Variants in PPP3CC observed in about 807,000 individuals in gnomAD.
The protein encoded by PPP3CC is serine/threonine-protein phosphatase 2B catalytic subunit gamma isoform.
Under a neutral mutation model 60.3 loss-of-function variants are expected in PPP3CC, and 35 were observed. That is an observed-to-expected ratio of 0.58 (90% CI 0.44 to 0.77). The LOEUF (loss-of-function observed/expected upper bound fraction) is 0.77, where lower values mean the gene tolerates loss of function less well. Ranked by LOEUF, PPP3CC falls within the 30% of genes least tolerant of loss-of-function variation. The pLI is 0.00. For missense variants in PPP3CC, 570 were observed against 628.9 expected, an observed-to-expected ratio of 0.91 and a Z score of 1.00; for synonymous variants, 206 against 224.3, an observed-to-expected ratio of 0.92 and a Z score of 0.73.
intron 3 of PPP3CC, among the ~76,000 whole-genome samples, chr8:22,494,001 A>C (rs905108705): frequency 1.3e-5 from 2 of 152,188 alleles, no homozygotes; most frequent in Admixed American, 6.6e-5. Flanking sequence ...TGATGGCTAC[A>C]TCACTAGGGT....
At position 22,506,945 on chromosome 8, in the gene PPP3CC, A is replaced by G. The variant is rs909064209; in HGVS notation, c.485-4141A>G. ...AAATAAATAAATTAATTAATTAATT[A>G]ATTAAATTAAATAAATAAAAAATAA... On this transcript the variant is annotated intron_variant, in intron 4 of 13. Coordinates refer to ENST00000240139, the MANE Select transcript of PPP3CC (RefSeq NM_005605.5). Among the ~76,000 whole-genome samples, 5 of 149,594 alleles carry G rather than the reference A, an allele frequency of 3.3e-5. No individual in the cohort carries two copies. In the East Asian group the frequency reaches 7.8e-4, roughly 23 times the overall value.
rs146104346 is a variant in PPP3CC at position 22,474,959 on chromosome 8, C to T, written c.55C>T (p.Pro19Ser). ...TTATTATTATTTTTTTGTAGCTGTC[C>T]CCTTTCCTCCAACCCAACGGCTTAC... The part of the protein sequence containing the change: ...STTDRVIKAV[P>S]FPPTQRLTFK... The change falls in exon 2 of 14, where the codon CCC (proline) becomes TCC (serine). Residue 19 changes from proline (P) to serine (S), a missense_variant. Coordinates refer to ENST00000240139, the MANE Select transcript of PPP3CC (RefSeq NM_005605.5). The T allele has an allele frequency of 1.3e-6, 2 of 1,552,298 alleles. No homozygotes were observed. Among genetic ancestry groups the T allele is most frequent in the Non-Finnish European group, 1.7e-6 (2 of 1,144,502 alleles).
chr8:22,468,327 A>T (rs975127728), intron 1 of PPP3CC, among the ~76,000 whole-genome samples: 3 of 151,672 alleles, frequency 2.0e-5, no homozygotes, highest in Non-Finnish European at 4.4e-5. Flanking sequence ...CTGATCTCAA[A>T]CTCCTGACCT....
rs371547057 is a variant in PPP3CC, at chr8:22,449,016, G to A, written c.49+7558G>A. ...TCCCAGCTGCTTGGGAGGCTGAAGC[G>A]GGAGGATTGCTTGAGGCCAGGAGTT... On this transcript the variant is annotated intron_variant, in intron 1 of 13. Transcript: ENST00000240139. Among the ~76,000 whole-genome samples, 94 of 152,314 alleles carry A rather than the reference G, an allele frequency of 6.2e-4. 1 individual carries two copies. The East Asian group carries it at 0.012, about 19-fold the overall frequency.
At position 22,468,509 on chromosome 8, in the gene PPP3CC, C is replaced by T. The variant is rs894361905; in HGVS notation, c.50-6445C>T. Among the ~76,000 whole-genome samples, 4 of 151,926 alleles carry T rather than the reference C, an allele frequency of 2.6e-5. 1 individual carries two copies. Among genetic ancestry groups the T allele is most frequent in the African/African-American group, 9.7e-5 (4 of 41,382 alleles). The stretch of plus-strand genomic sequence containing the variant: ...AATAGTTTATTTTTACATATTTATC[C>T]CTTTCATTTAGGAAAGAAGATTCAT... On this transcript the variant is annotated intron_variant, in intron 1 of 13. Transcript: ENST00000240139.
intron 10 of PPP3CC, 120 bp from the exon 11 acceptor site, chr8:22,532,105 C>T (rs1839731730): frequency 4.8e-6 from 3 of 631,404 alleles, no homozygotes; most frequent in Non-Finnish European, 2.6e-6. Context: ...CAAACTTAAG[C>T]CTTCATTTCT....
In PPP3CC at chr8:22,522,521, C is replaced by G. The variant is rs747028980; in HGVS notation, c.801C>G (p.Asn267Lys). 2.5e-6 allele frequency: 4 copies of G among 1,611,944 alleles called. No individual in the cohort carries two copies. Among genetic ancestry groups the G allele is most frequent in the Non-Finnish European group, 3.4e-6 (4 of 1,179,088 alleles). The change falls in exon 7 of 14, where the codon AAC becomes AAG. Residue 267 changes from asparagine to lysine, a missense_variant. Physicochemically the swap from Asn to Lys is moderately conservative, Grantham distance 94. Transcript: ENST00000240139. ...CTGCAGTTTGTGAATTTTTGCAGAA[C>G]AATAATTTACTATCAATTATCAGAG... ...SYPAVCEFLQNNNLLSIIRAH... is the reference protein window; with the variant it reads ...SYPAVCEFLQKNNLLSIIRAH...
intron 4 of PPP3CC, among the ~76,000 whole-genome samples, chr8:22,503,194 G>A (rs1378381245): frequency 2.6e-5 from 4 of 152,142 alleles, no homozygotes; most frequent in Non-Finnish European, 5.9e-5. Context: ...GGTTAAGAAC[G>A]ACGGCTCTGG....
intron 3 of PPP3CC, among the ~76,000 whole-genome samples, chr8:22,484,217 T>C (rs929435116): frequency 6.6e-6 from 1 of 152,138 alleles, no homozygotes; most frequent in Non-Finnish European, 1.5e-5. Context: ...AAAAAACATT[T>C]GGGTTAATTA....
At chr8:22,534,413 C>A (rs1434368811) in intron 12 of PPP3CC, among the ~76,000 whole-genome samples, 2 of 125,336 alleles carry the variant, frequency 1.6e-5, no homozygotes, top group Admixed American at 8.1e-5. Context: ...CAGGGCGAGA[C>A]CCTGTCTCCA....
At chr8:22,464,039 C>T (rs562267016) in intron 1 of PPP3CC, among the ~76,000 whole-genome samples, 14 of 152,158 alleles carry the variant, frequency 9.2e-5, no homozygotes, top group African/African-American at 1.4e-4. Context: ...CTGCCTACCT[C>T]GGCCTCCTAA....
intron 3 of PPP3CC, among the ~76,000 whole-genome samples, chr8:22,483,201 A>G (rs1273047559): frequency 6.6e-6 from 1 of 152,230 alleles, no homozygotes; most frequent in Non-Finnish European, 1.5e-5. Context: ...ACCAAATTTT[A>G]TAGTTTTGTA....
chr8:22,526,745 G>C (rs925138509), intron 8 of PPP3CC, among the ~76,000 whole-genome samples: 2 of 152,232 alleles, frequency 1.3e-5, no homozygotes, highest in Non-Finnish European at 2.9e-5. Flanking sequence ...TGGCATCAAA[G>C]TATGTGTGCG....
At chr8:22,534,636 G>A (rs58985211) in intron 12 of PPP3CC, among the ~76,000 whole-genome samples, 3,516 of 152,280 alleles carry the variant, frequency 0.023, 114 homozygotes, top group African/African-American at 0.078. Flanking sequence ...GGTTATGCAT[G>A]GGAATGTTCA....
At chr8:22,494,187 A>G (rs1032281591) in intron 3 of PPP3CC, among the ~76,000 whole-genome samples, 2 of 152,234 alleles carry the variant, frequency 1.3e-5, no homozygotes, top group Non-Finnish European at 2.9e-5. Context: ...AAAATTGGGA[A>G]CAAAAAGAGG....
At chr8:22,533,787 T>C (rs553765249) in intron 12 of PPP3CC, among the ~76,000 whole-genome samples, 7 of 152,274 alleles carry the variant, frequency 4.6e-5, no homozygotes, top group Non-Finnish European at 1.0e-4. Context: ...ATCGCGCCAC[T>C]GCACTCCAGC....
chr8:22,475,691 C>T (rs767398664), intron 3 of PPP3CC, 67 bp downstream of exon 3: 1 of 1,418,188 alleles, frequency 7.1e-7, no homozygotes, highest in African/African-American at 1.5e-5. Context: ...TTCCATTCTT[C>T]AGTAGAAGAA....
intron 4 of PPP3CC, among the ~76,000 whole-genome samples, chr8:22,500,325 T>G (rs2132517288): frequency 6.6e-6 from 1 of 152,308 alleles, no homozygotes; most frequent in East Asian, 1.9e-4. Flanking sequence ...CTCTAAAATC[T>G]ACCCCTTTTA....
intron 12 of PPP3CC, among the ~76,000 whole-genome samples, chr8:22,534,422 C>CAA (rs34306343): frequency 1.5e-5 from 2 of 134,458 alleles, no homozygotes; most frequent in Non-Finnish European, 1.6e-5. Flanking sequence ...ACCCTGTCTC[C>CAA]AAAAAAAAAA....
Sources: allele counts gnomAD v4.1 joint callset (sites outside exome capture counted in the v4.1 genomes callset), GRCh38; gene constraint gnomAD v4.1.1; transcripts MANE v1.5; gene names NCBI Gene and HGNC (gene_info 2026-07-23, HGNC 2026-07-21).